STK17B: variants seen among roughly 807,000 people sequenced by gnomAD.
STK17B encodes the protein serine/threonine kinase 17b.
In STK17B, 21 loss-of-function variants were observed where a neutral mutation model predicts 42.0. The ratio of observed to expected loss-of-function variants is 0.50; its 90% CI spans 0.35 to 0.72. STK17B has a LOEUF of 0.72. Ranked by LOEUF, STK17B falls within the 30% of genes least tolerant of loss-of-function variation. The probability of loss-of-function intolerance (pLI) is 0.00; values close to 1 mark genes in which losing one functional copy is unlikely to be tolerated. For missense variants in STK17B, 349 were observed against 446.0 expected, an observed-to-expected ratio of 0.78 and a Z score of 1.96; for synonymous variants, 143 against 148.4, an observed-to-expected ratio of 0.96 and a Z score of 0.26.
chr2:196,155,401 T>C (rs1699724778), intron 3 of STK17B, among the ~76,000 whole-genome samples: 1 of 152,192 alleles, frequency 6.6e-6, no homozygotes, highest in Non-Finnish European at 1.5e-5. Context: ...TTTTGCAAAA[T>C]CTTCATTTTC....
upstream of STK17B, among the ~76,000 whole-genome samples, chr2:196,173,651 G>T (rs1350705185): frequency 6.6e-6 from 1 of 152,096 alleles, no homozygotes; most frequent in East Asian, 1.9e-4. Flanking sequence ...ATTCATCACC[G>T]TGTCAAAGAT....
At chr2:196,172,910 A>G (rs1699965255), upstream of STK17B, among the ~76,000 whole-genome samples, 1 of 152,160 alleles carries the variant, frequency 6.6e-6, no homozygotes, top group Admixed American at 6.5e-5. Context: ...TTTCATGAGC[A>G]TAGGTGTTGC....
At chr2:196,154,405 T>C (rs933758411) in intron 3 of STK17B, 2 of 152,226 alleles carry the variant, frequency 1.3e-5, no homozygotes, top group African/African-American at 4.8e-5. Flanking sequence ...CCTGACTTTA[T>C]TGCCACCTGA....
intron 6 of STK17B, among the ~76,000 whole-genome samples, chr2:196,140,048 C>T (rs987439359): frequency 6.6e-6 from 1 of 152,154 alleles, no homozygotes; most frequent in Admixed American, 6.5e-5. Flanking sequence ...TTATTGCTAC[C>T]GTCTATCCTT....
chr2:196,139,889 C>T (rs767828923), intron 6 of STK17B, 90 bp from the exon 7 acceptor site: 191 of 942,062 alleles, frequency 2.0e-4, no homozygotes, highest in Non-Finnish European at 2.6e-4. Context: ...CTCCTCTCCT[C>T]AAAACTGGTA....
chr2:196,172,526 AC>A (rs1406959543), upstream of STK17B, among the ~76,000 whole-genome samples: 4 of 152,314 alleles, frequency 2.6e-5, no homozygotes, highest in African/African-American at 2.4e-5. Context: ...CTTTCAAAAG[AC>A]TTAATGTTCA....
chr2:196,147,986 C>G (rs577034600), intron 3 of STK17B, among the ~76,000 whole-genome samples: 1 of 152,140 alleles, frequency 6.6e-6, no homozygotes, highest in African/African-American at 2.4e-5. Flanking sequence ...TCTTGGCCTC[C>G]CAAAGTGTTG....
At chr2:196,173,087 C>G (rs144563962), upstream of STK17B, among the ~76,000 whole-genome samples, 1 of 152,166 alleles carries the variant, frequency 6.6e-6, no homozygotes, top group Non-Finnish European at 1.5e-5. Flanking sequence ...ACCCCATACT[C>G]CCCGTCACTA....
intron 7 of STK17B, among the ~76,000 whole-genome samples, chr2:196,138,327 A>G (rs1699439195): frequency 6.6e-6 from 1 of 152,232 alleles, no homozygotes; most frequent in Non-Finnish European, 1.5e-5. Flanking sequence ...ATCAGTACAG[A>G]GTTAACATAT....
intron 3 of STK17B, among the ~76,000 whole-genome samples, chr2:196,155,289 C>T (rs1420452011): frequency 1.3e-5 from 2 of 152,108 alleles, no homozygotes; most frequent in Non-Finnish European, 2.9e-5. Flanking sequence ...GCCTTTTCTG[C>T]AATTCTAATT....
At chr2:196,158,207 G>A (rs541072101) in intron 2 of STK17B, among the ~76,000 whole-genome samples, 3 of 152,122 alleles carry the variant, frequency 2.0e-5, no homozygotes, top group Non-Finnish European at 4.4e-5. Flanking sequence ...GTGTTTAGGG[G>A]GTACGGGGTG....
chr2:196,167,228 G>C (rs1699884604), intron 1 of STK17B, among the ~76,000 whole-genome samples: 1 of 152,108 alleles, frequency 6.6e-6, no homozygotes, highest in Non-Finnish European at 1.5e-5. Flanking sequence ...GAGGATCCTT[G>C]GCATACTTCT....
chr2:196,164,137 CTTAT>C (rs1004878140), intron 1 of STK17B, among the ~76,000 whole-genome samples: 1 of 151,946 alleles, frequency 6.6e-6, no homozygotes, highest in Admixed American at 6.5e-5. Context: ...TCATTTTAAA[CTTAT>C]TTTCACATGG....
chr2:196,137,488 A>G lies in STK17B; in HGVS notation c.1078T>C (p.Leu360=), dbSNP rs768053465. Residue 360 remains leucine, a synonymous_variant, in exon 8 of 8, where the codon TTA becomes CTA. Coordinates refer to ENST00000263955, the MANE Select transcript of STK17B (RefSeq NM_004226.4). ...VSKRFRFDDS[L]PNPHELVSDL... ...GAAACAAGTTCATGGGGATTGGGTAATGAGTCATCGAAACGAAATCTTTTG... is the reference window on the plus strand; with the variant it reads ...GAAACAAGTTCATGGGGATTGGGTAGTGAGTCATCGAAACGAAATCTTTTG... The G allele has an allele frequency of 5.6e-6, 9 of 1,614,016 alleles. No homozygotes were observed. In the Admixed American group the frequency reaches 1.0e-4, roughly 18 times the overall value.
intron 2 of STK17B, among the ~76,000 whole-genome samples, chr2:196,160,091 A>T (rs1699791931): frequency 6.6e-6 from 1 of 152,228 alleles, no homozygotes; most frequent in Non-Finnish European, 1.5e-5. Context: ...TTCCAAATGT[A>T]ATTGAAACAT....
intron 1 of STK17B, among the ~76,000 whole-genome samples, chr2:196,168,876 A>G (rs566177579): frequency 6.6e-6 from 1 of 152,294 alleles, no homozygotes; most frequent in Admixed American, 6.5e-5. Context: ...TAAACATAAA[A>G]TCACTGAATT....
At chr2:196,150,200 A>G (rs1043029985) in intron 3 of STK17B, among the ~76,000 whole-genome samples, 214 of 150,566 alleles carry the variant, frequency 1.4e-3, no homozygotes, top group African/African-American at 5.0e-3. Flanking sequence ...AAAAAAAAAA[A>G]AAAGACAAAA....
At chr2:196,148,404 T>G (rs971254582) in intron 3 of STK17B, among the ~76,000 whole-genome samples, 1 of 152,124 alleles carries the variant, frequency 6.6e-6, no homozygotes, top group Admixed American at 6.6e-5. Flanking sequence ...TCTAAATATA[T>G]TCCTGCAAAG....
At chr2:196,162,636 A>C (rs1186297769) in intron 2 of STK17B, among the ~76,000 whole-genome samples, 3 of 152,002 alleles carry the variant, frequency 2.0e-5, no homozygotes, top group Non-Finnish European at 4.4e-5. Context: ...AGGGGCTCAC[A>C]CCAATTATCT....
Sources: gnomAD v4.1 joint callset for allele counts (sites outside exome capture counted in the v4.1 genomes callset) on GRCh38, gnomAD v4.1.1 for gene constraint, MANE v1.5 for transcripts, NCBI Gene and HGNC (gene_info 2026-07-23, HGNC 2026-07-21) for gene names.